Variants in COL24A1 observed in about 807,000 individuals in gnomAD.
The protein encoded by COL24A1 is collagen alpha-1(XXIV) chain.
In COL24A1, 224 loss-of-function variants were observed where a neutral mutation model predicts 253.9. The ratio of observed to expected loss-of-function variants is 0.88; its 90% CI spans 0.79 to 0.99. The LOEUF is 0.99. Among genes scored for constraint, COL24A1 ranks in the 50% least tolerant of loss-of-function variants. The pLI, the probability that COL24A1 is intolerant of heterozygous loss-of-function variation, is 0.00. For missense variants in COL24A1, 2,131 were observed against 2,068.5 expected (o/e 1.03, Z -0.59); for synonymous variants, 685 against 673.7 (o/e 1.02, Z -0.26).
chr1:85,878,485 T>C (rs1345431257), intron 32 of COL24A1, among the ~76,000 whole-genome samples: 2 of 152,210 alleles, frequency 1.3e-5, no homozygotes, highest in East Asian at 3.8e-4. Flanking sequence ...AGCAGACATA[T>C]TGGTTCATAT....
Position 85,937,385 on chromosome 1 carries a change from G to A in COL24A1, c.2562+23864C>T, listed in dbSNP as rs935902818. 4.1e-5 allele frequency among the ~76,000 whole-genome samples: 6 copies of A among 147,822 alleles called. 1 individual carries two copies. The highest frequency in any genetic ancestry group is 7.5e-5 in the African/African-American group (3 of 40,268). On this transcript the variant is annotated intron_variant, in intron 24 of 59. Coordinates refer to ENST00000370571, the MANE Select transcript of COL24A1 (RefSeq NM_152890.7). ...TGGTTGATTAGGCACCTAAAAGGAA[G>A]AATATTGTAAGACTGGGGCCAAGAA...
In COL24A1 at chr1:86,040,836, T is replaced by C. The variant is rs868380641; in HGVS notation, c.1950+5989A>G. Among the ~76,000 whole-genome samples the C allele has an allele frequency of 5.9e-5, 9 of 152,276 alleles. No individual in the cohort carries two copies. The Middle Eastern group carries it at 0.014, about 230-fold the overall frequency. On this transcript the variant is annotated intron_variant, in intron 12 of 59. Transcript: ENST00000370571. ...TAATGTTCTAGCTAGAGTTGTACTT[T>C]ATGATAGAATTAACTGCATTCTTTT... is the stretch of plus-strand genomic sequence containing the variant.
chr1:85,787,615 A>G (rs1669821723), intron 47 of COL24A1, among the ~76,000 whole-genome samples: 1 of 152,110 alleles, frequency 6.6e-6, no homozygotes, highest in Non-Finnish European at 1.5e-5. Flanking sequence ...TCTATCATTG[A>G]TGGGCATTTG....
At chr1:85,819,496 T>C (rs1347637230) in intron 45 of COL24A1, among the ~76,000 whole-genome samples, 1 of 152,110 alleles carries the variant, frequency 6.6e-6, no homozygotes, top group Non-Finnish European at 1.5e-5. Flanking sequence ...TTTAAAATAG[T>C]CCAATGAAAC....
chr1:85,932,333 G>A (rs377256472), intron 24 of COL24A1, among the ~76,000 whole-genome samples: 1,791 of 50,768 alleles, frequency 0.035, 13 homozygotes, highest in Middle Eastern at 0.083. Context: ...AACACGTGAA[G>A]AAATGCTCAT....
chr1:85,771,690 A>G (rs1304545936), intron 53 of COL24A1, among the ~76,000 whole-genome samples: 3 of 152,106 alleles, frequency 2.0e-5, no homozygotes, highest in Non-Finnish European at 2.9e-5. Context: ...GTCTTCCACA[A>G]TGGTTGAACT....
intron 22 of COL24A1, among the ~76,000 whole-genome samples, chr1:85,967,295 A>G (rs1005075392): frequency 6.6e-6 from 1 of 152,224 alleles, no homozygotes; most frequent in African/African-American, 2.4e-5. Context: ...CAGAAAGTAT[A>G]AAGTAATAAT....
chr1:85,744,842 G>A lies in COL24A1; in HGVS notation c.4504-8C>T. On this transcript the variant is annotated splice_region_variant and splice_polypyrimidine_tract_variant and intron_variant, in intron 56 of 59. Coordinates refer to ENST00000370571, the MANE Select transcript of COL24A1 (RefSeq NM_152890.7). Reference sequence around the variant, plus strand: ...TTCAGTATTCTGGTAGCTCTGCCAAGTCATCATAAGAATTATATAAGCAAA... The same window carrying A: ...TTCAGTATTCTGGTAGCTCTGCCAAATCATCATAAGAATTATATAAGCAAA... The A allele has an allele frequency of 1.2e-6, 2 of 1,603,328 alleles. No homozygotes were observed. The highest frequency in any genetic ancestry group is 1.7e-6 in the Non-Finnish European group (2 of 1,175,814).
chr1:86,051,647 T>C lies in COL24A1; in HGVS notation c.1852-1470A>G, dbSNP rs574242538. On this transcript the variant is annotated intron_variant, in intron 10 of 59. Transcript: ENST00000370571. Reference sequence around the variant, plus strand: ...GATGGAAAGTCTGCAATTTACACTGTGAGTCATTAAAAAAACTTAAGACAC... The same window carrying C: ...GATGGAAAGTCTGCAATTTACACTGCGAGTCATTAAAAAAACTTAAGACAC... Among the ~76,000 whole-genome samples, 85 of 152,182 alleles carry C rather than the reference T, an allele frequency of 5.6e-4. 1 individual carries two copies. The highest frequency in any genetic ancestry group is 1.9e-3 in the African/African-American group (79 of 41,546).
At chr1:85,825,441 T>G (rs891185530) in intron 43 of COL24A1, among the ~76,000 whole-genome samples, 14 of 152,202 alleles carry the variant, frequency 9.2e-5, no homozygotes, top group Non-Finnish European at 2.1e-4. Flanking sequence ...ATATACCCAG[T>G]AATGGGATGG....
At chr1:85,906,425 C>A (rs1438173992) in intron 28 of COL24A1, among the ~76,000 whole-genome samples, 2 of 151,616 alleles carry the variant, frequency 1.3e-5, no homozygotes, top group African/African-American at 2.4e-5. Context: ...CCTGATATTC[C>A]ATATGGTATT....
intron 7 of COL24A1, among the ~76,000 whole-genome samples, chr1:86,064,239 A>G (rs1477468611): frequency 6.6e-6 from 1 of 152,170 alleles, no homozygotes; most frequent in Non-Finnish European, 1.5e-5. Flanking sequence ...ACACCCCATG[A>G]ATGAGGTAAC....
At chr1:85,748,053 G>C (rs916908459) in intron 55 of COL24A1, among the ~76,000 whole-genome samples, 1 of 152,238 alleles carries the variant, frequency 6.6e-6, no homozygotes, top group Non-Finnish European at 1.5e-5. Context: ...TACTTATCAG[G>C]AAAACATAAG....
chr1:85,821,225 T>G (rs1363326488), intron 45 of COL24A1, among the ~76,000 whole-genome samples: 1 of 152,186 alleles, frequency 6.6e-6, no homozygotes. Flanking sequence ...TTGCTCTAAA[T>G]TTTTCTTTAT....
intron 19 of COL24A1, among the ~76,000 whole-genome samples, chr1:86,016,745 G>A (rs1697029663): frequency 6.6e-6 from 1 of 152,162 alleles, no homozygotes; most frequent in African/African-American, 2.4e-5. Flanking sequence ...TTTGATATAT[G>A]TACTACAGAC....
intron 24 of COL24A1, among the ~76,000 whole-genome samples, chr1:85,935,674 T>A (rs1210823129): frequency 6.8e-6 from 1 of 147,266 alleles, no homozygotes; most frequent in Non-Finnish European, 1.5e-5. Flanking sequence ...GCAGTAGGCA[T>A]AAGGGATACA....
chr1:85,810,651 G>T (rs1455904843), intron 47 of COL24A1, among the ~76,000 whole-genome samples: 1 of 152,070 alleles, frequency 6.6e-6, no homozygotes, highest in East Asian at 1.9e-4. Context: ...CTGATAATGA[G>T]TTCTCACAAG....
chr1:85,961,307 A>G lies in COL24A1; in HGVS notation c.2518-14T>C, dbSNP rs199673270. ...TCCTACTTCTCCCTGTCAAAAAAGAATATAAAGTTGCAAAAACAGTTATTT... is the reference window on the plus strand; with the variant it reads ...TCCTACTTCTCCCTGTCAAAAAAGAGTATAAAGTTGCAAAAACAGTTATTT... On this transcript the variant is annotated splice_polypyrimidine_tract_variant and intron_variant, in intron 23 of 59. Transcript: ENST00000370571. 2.9e-5 allele frequency: 47 copies of G among 1,595,750 alleles called. No homozygotes were observed. Among genetic ancestry groups the G allele is most frequent in the Non-Finnish European group, 3.7e-5 (43 of 1,165,796 alleles).
intron 1 of COL24A1, among the ~76,000 whole-genome samples, chr1:86,153,346 A>G (rs1216565152): frequency 6.6e-6 from 1 of 152,072 alleles, no homozygotes; most frequent in African/African-American, 2.4e-5. Context: ...ATACTCAATC[A>G]TTGTATCTCT....
Sources: allele counts gnomAD v4.1 joint callset (sites outside exome capture counted in the v4.1 genomes callset), GRCh38; gene constraint gnomAD v4.1.1; transcripts MANE v1.5; gene names NCBI Gene and HGNC (gene_info 2026-07-23, HGNC 2026-07-21).